The following CACNA1D variants were observed in gnomAD, a reference collection of about 807,000 sequenced individuals.
CACNA1D encodes the protein calcium voltage-gated channel subunit alpha1 D.
A neutral mutation model predicts 257.1 loss-of-function variants in CACNA1D; 55 were observed. The ratio of observed to expected loss-of-function variants is 0.21; its 90% CI spans 0.17 to 0.27. The LOEUF is 0.27. CACNA1D is among the 10% of genes least tolerant of loss of function. The pLI is 1.00. For missense variants in CACNA1D, 1,876 were observed against 2,784.0 expected, an observed-to-expected ratio of 0.67 and a Z score of 7.34; for synonymous variants, 980 against 1,014.9, an observed-to-expected ratio of 0.97 and a Z score of 0.65.
rs181057825 is a variant in CACNA1D, at chr3:53,511,950, T to A, written c.483+10230T>A. ...AATTTAAATAAATGACCAATATTTT[T>A]AAAAATAAGAAATCCTTGAATATTC... On this transcript the variant is annotated intron_variant, in intron 3 of 47. Coordinates refer to ENST00000350061, the MANE Select transcript of CACNA1D (RefSeq NM_001128840.3). 5.9e-5 allele frequency among the ~76,000 whole-genome samples: 9 copies of A among 152,352 alleles called. No homozygotes were observed. In the East Asian group the frequency reaches 7.7e-4, roughly 13 times the overall value.
At chr3:53,782,264 G>GTGTGTATATATATATATATATATATA (rs6147823) in intron 39 of CACNA1D, 2 of 75,448 alleles carry the variant, frequency 2.7e-5, no homozygotes, top group African/African-American at 6.3e-5. Flanking sequence ...GTGTGTGTGT[G>GTGTGTATATATATATATATATATATA]TATATATATA....
intron 2 of CACNA1D, 23 bp from the exon 3 acceptor site, chr3:53,501,592 T>C (rs529772123): frequency 2.5e-6 from 3 of 1,224,216 alleles, no homozygotes; most frequent in African/African-American, 3.0e-5. Context: ...ATAACACATA[T>C]ATACCTTAAC....
chr3:53,743,017 A>G lies in CACNA1D; in HGVS notation c.2818A>G (p.Thr940Ala). Residue 940 changes from threonine (T) to alanine (A), a missense_variant, in exon 22 of 48, where the codon ACT (threonine) becomes GCT (alanine). Transcript: ENST00000350061. ...FTVEILLKMT[T>A]FGAFLHKGAF... The stretch of plus-strand genomic sequence containing the variant: ...TCCATGATTCTGCTTCTAGATGACA[A>G]CTTTTGGAGCTTTCCTCCACAAAGG... 4.3e-6 allele frequency: 7 copies of G among 1,609,416 alleles called. No individual in the cohort carries two copies. Among genetic ancestry groups the G allele is most frequent in the Non-Finnish European group, 6.0e-6 (7 of 1,175,774 alleles).
chr3:53,679,442 T>C (rs2094408543), intron 8 of CACNA1D: 1 of 152,028 alleles, frequency 6.6e-6, no homozygotes, highest in Admixed American at 6.5e-5. Flanking sequence ...TTGAAAAGGT[T>C]GTTATTGGGG....
intron 30 of CACNA1D, among the ~76,000 whole-genome samples, chr3:53,767,308 T>C (rs149056411): frequency 0.017 from 2,663 of 152,254 alleles, 31 homozygotes; most frequent in Non-Finnish European, 0.028. Flanking sequence ...CTCATGCCTG[T>C]AATCCCAGCA....
rs149147309 is a variant in CACNA1D, at chr3:53,534,101, G to C, written c.483+32381G>C. On this transcript the variant is annotated intron_variant, in intron 3 of 47. Coordinates refer to ENST00000350061, the MANE Select transcript of CACNA1D (RefSeq NM_001128840.3). ...GTAGGTTGTGTTCTTGAGTGGGAAG[G>C]CCTCCTTGGATACCTCTCGACAGTA... Among the ~76,000 whole-genome samples, 15 of 152,244 alleles carry C rather than the reference G, an allele frequency of 9.9e-5. No homozygotes were observed. The East Asian group carries it at 2.7e-3, about 28-fold the overall frequency.
intron 3 of CACNA1D, among the ~76,000 whole-genome samples, chr3:53,634,510 G>A (rs2093858888): frequency 6.6e-6 from 1 of 152,146 alleles, no homozygotes; most frequent in Admixed American, 6.5e-5. Context: ...GTGTGAATGG[G>A]TGTGTGTGTG....
chr3:53,673,206 C>A lies in CACNA1D; in HGVS notation c.1220+80C>A, dbSNP rs77457718. 4 of 926,112 alleles carry A rather than the reference C, an allele frequency of 4.3e-6. No homozygotes were observed. The highest frequency in any genetic ancestry group is 5.3e-5 in the East Asian group (2 of 37,662). The allele number at this position is 926,112 out of a possible 1,614,324, so 57.4% of individuals were successfully genotyped here. A position where few individuals can be genotyped will look rare whatever the true frequency, so the allele number is the denominator to read the frequency against. ...CCACACAAGCTTTGCTGGATGAGGG[C>A]CGCCAAGAGGGGTTGCCAGACATTT... On this transcript the variant is annotated intron_variant, in intron 8 of 47. Transcript: ENST00000350061. The surrounding 1 kb of genome is among the most constrained non-coding windows in gnomAD (Gnocchi z 4.1).
At chr3:53,694,337 C>T (rs1246975626) in intron 8 of CACNA1D, among the ~76,000 whole-genome samples, 1 of 152,092 alleles carries the variant, frequency 6.6e-6, no homozygotes, top group Non-Finnish European at 1.5e-5. Context: ...GAGAGATGAG[C>T]GGAAAGGGGG....
At chr3:53,801,738 A>AT (rs2095537337) in intron 42 of CACNA1D, among the ~76,000 whole-genome samples, 1 of 152,186 alleles carries the variant, frequency 6.6e-6, no homozygotes, top group African/African-American at 2.4e-5. Context: ...GGGTTGGTGA[A>AT]TTGTTTCTCT....
At chr3:53,617,857 G>A in intron 3 of CACNA1D, among the ~76,000 whole-genome samples, 1 of 152,294 alleles carries the variant, frequency 6.6e-6, no homozygotes, top group South Asian at 2.1e-4. Context: ...TGTGTGCAGT[G>A]GAAAGAGCCC....
chr3:53,707,708 G>A (rs1000384880), intron 9 of CACNA1D, among the ~76,000 whole-genome samples: 5 of 151,908 alleles, frequency 3.3e-5, no homozygotes, highest in African/African-American at 9.7e-5. Context: ...CTGCTTCTGA[G>A]TTAACAATGG....
intron 3 of CACNA1D, among the ~76,000 whole-genome samples, chr3:53,574,773 C>G (rs1410688505): frequency 6.6e-6 from 1 of 152,102 alleles, no homozygotes; most frequent in African/African-American, 2.4e-5. Flanking sequence ...CACACACACC[C>G]AACCTGCAGG....
intron 40 of CACNA1D, among the ~76,000 whole-genome samples, chr3:53,787,447 GTGTGTGTA>G (rs1358400429): frequency 6.6e-6 from 1 of 151,148 alleles, no homozygotes; most frequent in Non-Finnish European, 1.5e-5. Flanking sequence ...GTGTGTGTGT[GTGTGTGTA>G]TGTATGTATG....
At chr3:53,672,864 G>T (rs886104772) in intron 7 of CACNA1D, among the ~76,000 whole-genome samples, 159 bp from the exon 8 acceptor site, 1 of 150,200 alleles carries the variant, frequency 6.7e-6, no homozygotes, top group Admixed American at 6.7e-5. Flanking sequence ...ATTAATGTGT[G>T]TTGGCTGCTG....
intron 19 of CACNA1D, among the ~76,000 whole-genome samples, chr3:53,734,469 T>C (rs1415789428): frequency 2.6e-5 from 4 of 152,158 alleles, no homozygotes; most frequent in African/African-American, 9.7e-5. Context: ...TGTGTATACA[T>C]ATATGTACAT....
intron 3 of CACNA1D, among the ~76,000 whole-genome samples, chr3:53,574,134 G>C (rs2092995805): frequency 6.6e-6 from 1 of 152,192 alleles, no homozygotes; most frequent in African/African-American, 2.4e-5. Context: ...AGGAAGCTCA[G>C]TGTTTCCACA....
intron 3 of CACNA1D, among the ~76,000 whole-genome samples, chr3:53,619,226 A>G (rs938899933): frequency 2.0e-5 from 3 of 152,202 alleles, no homozygotes; most frequent in African/African-American, 4.8e-5. Context: ...ACTGAGCCTC[A>G]GTAGAAAGAG....
rs556375330 is a variant in CACNA1D, at chr3:53,513,256, A to G, written c.483+11536A>G. ...AGCCAAGATCAAAGTCGGTGGTCCCATAAGATTATAATGGAGCTAAAAAAT... is the reference window on the plus strand; with the variant it reads ...AGCCAAGATCAAAGTCGGTGGTCCCGTAAGATTATAATGGAGCTAAAAAAT... On this transcript the variant is annotated intron_variant, in intron 3 of 47. Transcript: ENST00000350061. Among the ~76,000 whole-genome samples, 241 of 152,286 alleles carry G rather than the reference A, an allele frequency of 1.6e-3. 2 individuals are homozygous for G. The highest frequency in any genetic ancestry group is 5.5e-3 in the African/African-American group (228 of 41,570).
Sources: gnomAD v4.1 joint callset for allele counts (sites outside exome capture counted in the v4.1 genomes callset) on GRCh38, gnomAD v4.1.1 for gene constraint, Gnocchi (gnomAD v3.1) non-coding constraint, MANE v1.5 for transcripts, NCBI Gene and HGNC (gene_info 2026-07-23, HGNC 2026-07-21) for gene names.